Variants in CDH4 observed in about 807,000 individuals in gnomAD.
The protein encoded by CDH4 is cadherin 4.
CDH4 carries 33 observed loss-of-function variants against 86.0 expected under a neutral mutation model. The ratio of observed to expected loss-of-function variants is 0.38; its 90% confidence interval spans 0.29 to 0.51. The LOEUF (loss-of-function observed/expected upper bound fraction) is 0.51, where lower values mean the gene tolerates loss of function less well. Ranked by LOEUF, CDH4 falls within the 20% of genes least tolerant of loss-of-function variation. The pLI, the probability that CDH4 is intolerant of heterozygous loss-of-function variation, is 0.86. For missense variants in CDH4, 1,114 were observed against 1,307.4 expected, an observed-to-expected ratio of 0.85 and a Z score of 2.28; for synonymous variants, 555 against 549.4, an observed-to-expected ratio of 1.01 and a Z score of -0.14.
rs1294651855 is a variant in CDH4, at chr20:61,807,575, AAGG to A, written c.576+34394_576+34396del. Reference sequence around the variant, plus strand: ...CACCATCAGCGAGGGGAGTGTGACCAAGGGCAGGTGTTCCGTGCAGGGCTGGTT... The same window carrying A: ...CACCATCAGCGAGGGGAGTGTGACCAGCAGGTGTTCCGTGCAGGGCTGGTT... On this transcript the variant is annotated intron_variant, in intron 4 of 15. Transcript: ENST00000614565. The surrounding 1 kb of genome is among the most constrained non-coding windows in gnomAD (Gnocchi z 4.5). Among the ~76,000 whole-genome samples the A allele has an allele frequency of 6.6e-6, 1 of 152,164 alleles. No homozygotes were observed. The highest frequency in any genetic ancestry group is 1.5e-5 in the Non-Finnish European group (1 of 68,018).
intron 2 of CDH4, among the ~76,000 whole-genome samples, chr20:61,445,192 C>T (rs1014956818): frequency 3.9e-5 from 6 of 152,068 alleles, no homozygotes; most frequent in African/African-American, 1.4e-4. Flanking sequence ...GGATTGTATT[C>T]GAAGACTGTC....
rs575490369 is a variant in CDH4, at chr20:61,579,209, C to T, written c.170-164354C>T. ...AGGACTCCTCAAAACTCACTTTACC[C>T]CACTCGAGCAGGGGAGACTCTACTA... On this transcript the variant is annotated intron_variant, in intron 2 of 15. Transcript: ENST00000614565. Among the ~76,000 whole-genome samples, 10 of 152,254 alleles carry T rather than the reference C, an allele frequency of 6.6e-5. No individual in the cohort carries two copies. In the South Asian group the frequency reaches 1.9e-3, roughly 28 times the overall value.
intron 6 of CDH4, among the ~76,000 whole-genome samples, chr20:61,867,408 G>A (rs576064543): frequency 1.3e-5 from 2 of 152,244 alleles, no homozygotes; most frequent in Admixed American, 1.3e-4. Flanking sequence ...AAATTAGTCG[G>A]GCATGTTGGT....
In CDH4 at chr20:61,417,144, G is replaced by T. The variant is rs2085151516; in HGVS notation, c.169+162207G>T. Among the ~76,000 whole-genome samples the T allele has an allele frequency of 6.6e-6, 1 of 152,118 alleles. No homozygotes were observed. Among genetic ancestry groups the T allele is most frequent in the East Asian group, 1.9e-4 (1 of 5,198 alleles). On this transcript the variant is annotated intron_variant, in intron 2 of 15. Coordinates refer to ENST00000614565, the MANE Select transcript of CDH4 (RefSeq NM_001794.5). The surrounding 1 kb of genome is among the most constrained non-coding windows in gnomAD (Gnocchi z 4.0). ...CTTGGGATAAAACCCAGATTCTGTG[G>T]CCTATTTCCTTCTTCTTCAGAAAAG...
intron 2 of CDH4, among the ~76,000 whole-genome samples, chr20:61,542,433 A>G (rs897123453): frequency 1.3e-5 from 2 of 152,176 alleles, no homozygotes; most frequent in African/African-American, 4.8e-5. Flanking sequence ...GATCCTGCAC[A>G]CTTTCTGATC....
At chr20:61,673,479 A>G (rs574578257) in intron 2 of CDH4, among the ~76,000 whole-genome samples, 1 of 152,244 alleles carries the variant, frequency 6.6e-6, no homozygotes, top group Non-Finnish European at 1.5e-5. Flanking sequence ...CTAGCAAGCA[A>G]GGAGGCAGTT....
chr20:61,368,164 C>T (rs560937184), intron 2 of CDH4, among the ~76,000 whole-genome samples: 34 of 152,230 alleles, frequency 2.2e-4, no homozygotes, highest in Middle Eastern at 6.8e-3. Flanking sequence ...CCGCTGCGCC[C>T]GGCCTCTCCA....
chr20:61,651,693 C>A (rs1381532564), intron 2 of CDH4, among the ~76,000 whole-genome samples: 1 of 152,222 alleles, frequency 6.6e-6, no homozygotes, highest in African/African-American at 2.4e-5. Flanking sequence ...ACCTCCTCTC[C>A]TCCAAATTTA....
intron 2 of CDH4, among the ~76,000 whole-genome samples, chr20:61,667,376 T>C (rs578038684): frequency 3.3e-5 from 5 of 152,316 alleles, no homozygotes; most frequent in African/African-American, 1.2e-4. Context: ...GGGACCACCA[T>C]GAGCCCTCTT....
At chr20:61,301,789 G>T (rs1239604750) in intron 2 of CDH4, among the ~76,000 whole-genome samples, 1 of 152,186 alleles carries the variant, frequency 6.6e-6, no homozygotes, top group East Asian at 1.9e-4. Flanking sequence ...AATTGAGGGC[G>T]ATTACAAAAG....
At chr20:61,820,656 C>T (rs1172936393) in intron 4 of CDH4, among the ~76,000 whole-genome samples, 6 of 152,226 alleles carry the variant, frequency 3.9e-5, no homozygotes, top group Non-Finnish European at 5.9e-5. Context: ...TCGCCGCCCC[C>T]CATCCCTCTT....
At position 61,709,982 on chromosome 20, in the gene CDH4, C is replaced by G. The variant is rs765516496; in HGVS notation, c.170-33581C>G. On this transcript the variant is annotated intron_variant, in intron 2 of 15. Coordinates refer to ENST00000614565, the MANE Select transcript of CDH4 (RefSeq NM_001794.5). The surrounding 1 kb of genome is among the most constrained non-coding windows in gnomAD (Gnocchi z 4.8). ...TGTGTTGTAGGGAAAAGTTTGCCAC[C>G]AACAGCGAGTTTAAAACTTTGAAAC... is the stretch of plus-strand genomic sequence containing the variant. Among the ~76,000 whole-genome samples the G allele has an allele frequency of 2.6e-5, 4 of 152,084 alleles. No homozygotes were observed. Among genetic ancestry groups the G allele is most frequent in the Admixed American group, 6.5e-5 (1 of 15,270 alleles).
chr20:61,737,586 A>G (rs1236471309), intron 2 of CDH4, among the ~76,000 whole-genome samples: 1 of 152,048 alleles, frequency 6.6e-6, no homozygotes, highest in Non-Finnish European at 1.5e-5. Flanking sequence ...TTCCCGGCAG[A>G]CCCCGGTGTT....
At position 61,663,856 on chromosome 20, in the gene CDH4, C is replaced by T. The variant is rs1488821382; in HGVS notation, c.170-79707C>T. Among the ~76,000 whole-genome samples the T allele has an allele frequency of 2.0e-5, 3 of 152,178 alleles. No individual in the cohort carries two copies. The highest frequency in any genetic ancestry group is 7.2e-5 in the African/African-American group (3 of 41,440). On this transcript the variant is annotated intron_variant, in intron 2 of 15. Transcript: ENST00000614565. This position sits in a 1 kb window ranked among gnomAD's most constrained non-coding sequence, Gnocchi z 5.0. The stretch of plus-strand genomic sequence containing the variant: ...CTCCCACGCTGGGTCTTCCAGCTCC[C>T]TCGAGGCCGCCCTGGCCCTCCACAC...
intron 2 of CDH4, among the ~76,000 whole-genome samples, chr20:61,298,950 G>A (rs2084371718): frequency 6.6e-6 from 1 of 152,092 alleles, no homozygotes; most frequent in Admixed American, 6.6e-5. Context: ...AGCCAATTTG[G>A]AACCCTGGCA....
In CDH4 at chr20:61,413,953, G is replaced by C. The variant is rs145465588; in HGVS notation, c.169+159016G>C. Among the ~76,000 whole-genome samples, 530 of 152,206 alleles carry C rather than the reference G, an allele frequency of 3.5e-3. 3 individuals carry two copies. The highest frequency in any genetic ancestry group is 0.012 in the African/African-American group (499 of 41,530). On this transcript the variant is annotated intron_variant, in intron 2 of 15. Coordinates refer to ENST00000614565, the MANE Select transcript of CDH4 (RefSeq NM_001794.5). The stretch of plus-strand genomic sequence containing the variant: ...AAGTCCAAGTCCACGGTGTCTGCAG[G>C]GCTGGTTTCTCCTGAGGCTTCTCTC...
At chr20:61,645,678 T>C (rs2087053878) in intron 2 of CDH4, among the ~76,000 whole-genome samples, 2 of 151,460 alleles carry the variant, frequency 1.3e-5, no homozygotes, top group Admixed American at 1.3e-4. Flanking sequence ...GCTTCTGCAG[T>C]GCAGGGAACC....
rs866818036 is a variant in CDH4, at chr20:61,479,343, C to T, written c.169+224406C>T. Among the ~76,000 whole-genome samples the T allele has an allele frequency of 2.0e-5, 3 of 151,810 alleles. 1 individual carries two copies. The highest frequency in any genetic ancestry group is 2.0e-4 in the Admixed American group (3 of 15,248). ...ATTAGGTATATCTCCTAATGCTATC[C>T]CTCCCCCCTTCCCCCACCCCACAAC... On this transcript the variant is annotated intron_variant, in intron 2 of 15. Coordinates refer to ENST00000614565, the MANE Select transcript of CDH4 (RefSeq NM_001794.5).
intron 2 of CDH4, among the ~76,000 whole-genome samples, chr20:61,459,477 C>G (rs2085429881): frequency 7.0e-6 from 1 of 142,888 alleles, no homozygotes; most frequent in Non-Finnish European, 1.6e-5. Context: ...CCTGCGCCCC[C>G]CAGGACTCCA....
Sources: gnomAD v4.1 joint callset for allele counts (sites outside exome capture counted in the v4.1 genomes callset) on GRCh38, gnomAD v4.1.1 for gene constraint, Gnocchi (gnomAD v3.1) non-coding constraint, MANE v1.5 for transcripts, NCBI Gene and HGNC (gene_info 2026-07-23, HGNC 2026-07-21) for gene names.